Variants in PEX3 observed in about 807,000 individuals in gnomAD.
PEX3 encodes peroxin-3.
PEX3 carries 30 observed loss-of-function variants against 55.8 expected under a neutral mutation model. The ratio of observed to expected loss-of-function variants is 0.54; its 90% CI spans 0.40 to 0.73. The LOEUF (loss-of-function observed/expected upper bound fraction) is 0.73, where lower values mean the gene tolerates loss of function less well. Among genes scored for constraint, PEX3 ranks in the 30% least tolerant of loss-of-function variants. PEX3 has a pLI of 0.00. For missense variants in PEX3, 351 were observed against 432.8 expected, an observed-to-expected ratio of 0.81 and a Z score of 1.68; for synonymous variants, 135 against 148.4, an observed-to-expected ratio of 0.91 and a Z score of 0.66.
rs192107275 is a variant in PEX3 at position 143,484,845 on chromosome 6, C to T, written c.942-307C>T. ...TCATTAAAAAACAATCAGACAAACA[C>T]TTTAGAACTTTTAATAAGATGGAAA... On this transcript the variant is annotated intron_variant, in intron 10 of 11. Transcript: ENST00000367591. 935 of 346,852 alleles carry T rather than the reference C, an allele frequency of 2.7e-3. 2 individuals carry two copies. Among genetic ancestry groups the T allele is most frequent in the Non-Finnish European group, 4.1e-3 (760 of 183,668 alleles). 21.5% of individuals were successfully genotyped at this position (346,852 alleles called of 1,614,324 possible). A position where few individuals can be genotyped will look rare whatever the true frequency, so the allele number is the denominator to read the frequency against.
chr6:143,484,947 A>T (rs1347299134), intron 10 of PEX3: 1 of 537,956 alleles, frequency 1.9e-6, no homozygotes, highest in African/African-American at 2.1e-5. Flanking sequence ...AAAAACAAAG[A>T]TATGTGTAAA....
At chr6:143,455,924 T>C (rs1779839713) in intron 1 of PEX3, among the ~76,000 whole-genome samples, 1 of 152,212 alleles carries the variant, frequency 6.6e-6, no homozygotes, top group African/African-American at 2.4e-5. Flanking sequence ...ATTATTAACC[T>C]TGTGAAATAG....
At chr6:143,468,355 T>C (rs184339586) in intron 4 of PEX3, among the ~76,000 whole-genome samples, 190 bp downstream of exon 4, 1 of 152,302 alleles carries the variant, frequency 6.6e-6, no homozygotes, top group Admixed American at 6.5e-5. Context: ...TTAGTGGTAA[T>C]GCTATTGTTA....
rs937911657 is a variant in PEX3 at position 143,489,436 on chromosome 6, A to G, written c.*210A>G. 2.3e-6 allele frequency: 1 copy of G among 439,390 alleles called. No homozygotes were observed. Among genetic ancestry groups the G allele is most frequent in the African/African-American group, 2.0e-5 (1 of 49,936 alleles). 27.2% of individuals were successfully genotyped at this position (439,390 alleles called of 1,614,324 possible). On this transcript the variant is annotated 3_prime_UTR_variant, in exon 12 of 12. Coordinates refer to ENST00000367591, the MANE Select transcript of PEX3 (RefSeq NM_003630.3). This position sits in a 1 kb window ranked among gnomAD's most constrained non-coding sequence, Gnocchi z 5.5. ...AACAGACCAGTTTTTGTGGGCATATATATATACACGTGCAAATATCAGAAT... is the reference window on the plus strand; with the variant it reads ...AACAGACCAGTTTTTGTGGGCATATGTATATACACGTGCAAATATCAGAAT...
Position 143,479,425 on chromosome 6 carries a change from A to G in PEX3, c.941+227A>G, listed in dbSNP as rs1780201185. On this transcript the variant is annotated intron_variant, in intron 10 of 11. Coordinates refer to ENST00000367591, the MANE Select transcript of PEX3 (RefSeq NM_003630.3). The surrounding 1 kb of genome is among the most constrained non-coding windows in gnomAD (Gnocchi z 4.6). ...AGAAACTTTGCCACTATATTGAAGT[A>G]CTTTAGTTGTAATTACCTTTCTATA... Among the ~76,000 whole-genome samples, 1 of 152,114 alleles carries G rather than the reference A, an allele frequency of 6.6e-6. No individual in the cohort carries two copies. The highest frequency in any genetic ancestry group is 6.5e-5 in the Admixed American group (1 of 15,280).
intron 1 of PEX3, among the ~76,000 whole-genome samples, chr6:143,457,537 G>A (rs9496642): frequency 0.23 from 34,820 of 152,042 alleles, 4,590 homozygotes; most frequent in Non-Finnish European, 0.3. Context: ...TATTTGTTTT[G>A]CAGTTGCTAG....
rs534904006 is a variant in PEX3 at position 143,458,861 on chromosome 6, C to T, written c.74-224C>T. On this transcript the variant is annotated intron_variant, in intron 1 of 11. Coordinates refer to ENST00000367591, the MANE Select transcript of PEX3 (RefSeq NM_003630.3). This position sits in a 1 kb window ranked among gnomAD's most constrained non-coding sequence, Gnocchi z 6.1. Reference sequence around the variant, plus strand: ...TTTTAGATTTAATTCCTTTCCCTTCCTCAAACCTGGTCCTTATGTGCCCAT... The same window carrying T: ...TTTTAGATTTAATTCCTTTCCCTTCTTCAAACCTGGTCCTTATGTGCCCAT... Among the ~76,000 whole-genome samples the T allele has an allele frequency of 4.7e-4, 71 of 152,178 alleles. No homozygotes were observed. Among genetic ancestry groups the T allele is most frequent in the Non-Finnish European group, 9.0e-4 (61 of 68,022 alleles).
At position 143,451,228 on chromosome 6, in the gene PEX3, T is replaced by G. The variant is rs1779757191; in HGVS notation, c.73+113T>G. ...CTAGTCTGGGATATGTAGAGGGAGTTCGATCAACCATGGGATGAAAAGGGA... is the reference window on the plus strand; with the variant it reads ...CTAGTCTGGGATATGTAGAGGGAGTGCGATCAACCATGGGATGAAAAGGGA... On this transcript the variant is annotated intron_variant, in intron 1 of 11. Transcript: ENST00000367591. This position sits in a 1 kb window ranked among gnomAD's most constrained non-coding sequence, Gnocchi z 4.1. The G allele has an allele frequency of 1.3e-5, 11 of 817,676 alleles. No individual in the cohort carries two copies. The highest frequency in any genetic ancestry group is 2.3e-5 in the Non-Finnish European group (11 of 469,196). 50.7% of individuals were successfully genotyped at this position (817,676 alleles called of 1,614,324 possible). A position where few individuals can be genotyped will look rare whatever the true frequency, so the allele number is the denominator to read the frequency against.
Position 143,470,342 on chromosome 6 carries a change from G to T in PEX3, c.332-619G>T, listed in dbSNP as rs11966766. On this transcript the variant is annotated intron_variant, in intron 4 of 11. Transcript: ENST00000367591. ...TGATGTACTACAGCCCTGCAGCCTG[G>T]CTTCCACACCTGTGTCTTCACCTAA... is the stretch of plus-strand genomic sequence containing the variant. Among the ~76,000 whole-genome samples, 1,070 of 152,142 alleles carry T rather than the reference G, an allele frequency of 7.0e-3. 10 individuals carry two copies. The highest frequency in any genetic ancestry group is 0.024 in the African/African-American group (1,007 of 41,494).
Position 143,451,426 on chromosome 6 carries a change from CTT to C in PEX3, c.73+315_73+316del, listed in dbSNP as rs1562648615. On this transcript the variant is annotated intron_variant, in intron 1 of 11. Coordinates refer to ENST00000367591, the MANE Select transcript of PEX3 (RefSeq NM_003630.3). This position sits in a 1 kb window ranked among gnomAD's most constrained non-coding sequence, Gnocchi z 4.1. ...TCAAGGCACCATTCTCTTACAGGAA[CTT>C]TTTAAAAAAAATTCTGCTTTCCTGT... is the stretch of plus-strand genomic sequence containing the variant. Among the ~76,000 whole-genome samples the C allele has an allele frequency of 1.3e-5, 2 of 152,118 alleles. No individual in the cohort carries two copies. The highest frequency in any genetic ancestry group is 3.8e-4 in the East Asian group (2 of 5,198).
At chr6:143,456,842 A>G (rs1397337231) in intron 1 of PEX3, among the ~76,000 whole-genome samples, 1 of 152,162 alleles carries the variant, frequency 6.6e-6, no homozygotes, top group African/African-American at 2.4e-5. Flanking sequence ...TGGCTAACTA[A>G]CTACTCTGTA....
intron 8 of PEX3, among the ~76,000 whole-genome samples, chr6:143,473,046 T>TC (rs1235586632): frequency 6.6e-6 from 1 of 152,242 alleles, no homozygotes; most frequent in Non-Finnish European, 1.5e-5. Context: ...TGGTTTGCAC[T>TC]CATTCTTTGT....
chr6:143,481,148 T>TTATATA (rs72384031), intron 10 of PEX3, among the ~76,000 whole-genome samples: 10 of 146,346 alleles, frequency 6.8e-5, no homozygotes, highest in South Asian at 4.3e-4. Flanking sequence ...AGGCTTTAAT[T>TTATATA]TATATATATA....
At chr6:143,457,564 T>C (rs902466150) in intron 1 of PEX3, among the ~76,000 whole-genome samples, 6 of 152,230 alleles carry the variant, frequency 3.9e-5, no homozygotes, top group African/African-American at 1.4e-4. Flanking sequence ...ACCCACTTTC[T>C]ACCTGTGACA....
chr6:143,475,746 C>T lies in PEX3; in HGVS notation c.818+890C>T, dbSNP rs562409777. 6.6e-6 allele frequency among the ~76,000 whole-genome samples: 1 copy of T among 152,322 alleles called. No homozygotes were observed. Among genetic ancestry groups the T allele is most frequent in the African/African-American group, 2.4e-5 (1 of 41,582 alleles). ...ACTGCCTCCCAGGCAATGTTTTATA[C>T]TCCCATTACTTTACTATGCTAGTAG... On this transcript the variant is annotated intron_variant, in intron 9 of 11. Coordinates refer to ENST00000367591, the MANE Select transcript of PEX3 (RefSeq NM_003630.3). The surrounding 1 kb of genome is among the most constrained non-coding windows in gnomAD (Gnocchi z 4.4).
At position 143,471,758 on chromosome 6, in the gene PEX3, A is replaced by G; in HGVS notation, c.578+147A>G. ...ATCAGATACCATCCTAGGATATTGCATTGTGGGATCCATTTTCTTTATCTT... is the reference window on the plus strand; with the variant it reads ...ATCAGATACCATCCTAGGATATTGCGTTGTGGGATCCATTTTCTTTATCTT... On this transcript the variant is annotated intron_variant, in intron 7 of 11. Transcript: ENST00000367591. This position sits in a 1 kb window ranked among gnomAD's most constrained non-coding sequence, Gnocchi z 5.4. 1 of 678,408 alleles carries G rather than the reference A, an allele frequency of 1.5e-6. No homozygotes were observed. Among genetic ancestry groups the G allele is most frequent in the Non-Finnish European group, 2.6e-6 (1 of 382,574 alleles). The allele number at this position is 678,408 out of a possible 1,614,324, so 42.0% of individuals were successfully genotyped here.
Position 143,489,432 on chromosome 6 carries a change from A to G in PEX3, c.*206A>G. On this transcript the variant is annotated 3_prime_UTR_variant, in exon 12 of 12. Transcript: ENST00000367591. This position sits in a 1 kb window ranked among gnomAD's most constrained non-coding sequence, Gnocchi z 5.5. ...CATCAACAGACCAGTTTTTGTGGGCATATATATATACACGTGCAAATATCA... is the reference window on the plus strand; with the variant it reads ...CATCAACAGACCAGTTTTTGTGGGCGTATATATATACACGTGCAAATATCA... 2.3e-6 allele frequency: 1 copy of G among 440,358 alleles called. No individual in the cohort carries two copies. Among genetic ancestry groups the G allele is most frequent in the South Asian group, 2.4e-5 (1 of 42,068 alleles). 27.3% of individuals were successfully genotyped at this position (440,358 alleles called of 1,614,324 possible). A position where few individuals can be genotyped will look rare whatever the true frequency, so the allele number is the denominator to read the frequency against.
chr6:143,485,287 A>G lies in PEX3; in HGVS notation c.1038+39A>G. 9.3e-7 allele frequency: 1 copy of G among 1,079,776 alleles called. No homozygotes were observed. The highest frequency in any genetic ancestry group is 2.4e-5 in the East Asian group (1 of 42,324). The allele number at this position is 1,079,776 out of a possible 1,614,324, so 66.9% of individuals were successfully genotyped here. On this transcript the variant is annotated intron_variant, in intron 11 of 11. Coordinates refer to ENST00000367591, the MANE Select transcript of PEX3 (RefSeq NM_003630.3). This position sits in a 1 kb window ranked among gnomAD's most constrained non-coding sequence, Gnocchi z 5.6. Reference sequence around the variant, plus strand: ...TTGGGAGTGTTATTAAAAGCAAATTATATTTGTGGTGGTGGTCATGTTTGT... The same window carrying G: ...TTGGGAGTGTTATTAAAAGCAAATTGTATTTGTGGTGGTGGTCATGTTTGT...
In PEX3 at chr6:143,466,790, C is replaced by G. The variant is rs759002325; in HGVS notation, c.288-1332C>G. Among the ~76,000 whole-genome samples the G allele has an allele frequency of 5.3e-5, 8 of 151,950 alleles. No individual in the cohort carries two copies. The highest frequency in any genetic ancestry group is 1.0e-4 in the Non-Finnish European group (7 of 67,870). ...AGATATAAATGTATATATACATATT[C>G]ACTTATATAAAGCAAAACAATGGAA... On this transcript the variant is annotated intron_variant, in intron 3 of 11. Transcript: ENST00000367591. This position sits in a 1 kb window ranked among gnomAD's most constrained non-coding sequence, Gnocchi z 5.4.
Sources: gnomAD v4.1 joint callset for allele counts (sites outside exome capture counted in the v4.1 genomes callset) on GRCh38, gnomAD v4.1.1 for gene constraint, Gnocchi (gnomAD v3.1) non-coding constraint, MANE v1.5 for transcripts, NCBI Gene and HGNC (gene_info 2026-07-23, HGNC 2026-07-21) for gene names.